The following RGS22 variants were observed in gnomAD, a reference collection of about 807,000 sequenced individuals.
RGS22 encodes the protein regulator of G protein signaling 22.
Under a neutral mutation model 172.9 loss-of-function variants are expected in RGS22, and 148 were observed. That is an observed-to-expected ratio of 0.86 (90% confidence interval 0.75 to 0.98). RGS22 has a LOEUF of 0.98. Ranked by LOEUF, RGS22 falls within the 50% of genes least tolerant of loss-of-function variation. The pLI, the probability that RGS22 is intolerant of heterozygous loss-of-function variation, is 0.00. For synonymous variants in RGS22, 458 were observed against 480.2 expected, an observed-to-expected ratio of 0.95 and a Z score of 0.60; for missense variants, 1,347 against 1,440.8, an observed-to-expected ratio of 0.93 and a Z score of 1.05.
At chr8:100,085,157 A>C (rs1812071915) in intron 3 of RGS22, among the ~76,000 whole-genome samples, 1 of 152,248 alleles carries the variant, frequency 6.6e-6, no homozygotes, top group Non-Finnish European at 1.5e-5. Context: ...ATACTCCATC[A>C]GTCCATGATG....
intron 11 of RGS22, among the ~76,000 whole-genome samples, chr8:100,045,552 T>C (rs1820625373): frequency 6.6e-6 from 1 of 152,074 alleles, no homozygotes. Flanking sequence ...GGGTAATGCA[T>C]ACTATGTTGG....
intron 6 of RGS22, among the ~76,000 whole-genome samples, chr8:100,069,022 A>G (rs1810751859): frequency 6.6e-6 from 1 of 152,124 alleles, no homozygotes; most frequent in South Asian, 2.1e-4. Context: ...ACTAAACATT[A>G]TCCAGTGGAA....
At chr8:100,045,559 T>C (rs1022510139) in intron 11 of RGS22, among the ~76,000 whole-genome samples, 1 of 152,096 alleles carries the variant, frequency 6.6e-6, no homozygotes, top group Non-Finnish European at 1.5e-5. Flanking sequence ...GCATACTATG[T>C]TGGTGAAGGA....
intron 5 of RGS22, among the ~76,000 whole-genome samples, 192 bp downstream of exon 5, chr8:100,071,953 T>C (rs1316958725): frequency 6.6e-6 from 1 of 152,232 alleles, no homozygotes; most frequent in Non-Finnish European, 1.5e-5. Context: ...ATCCCAGGTT[T>C]TGGGAGGCCA....
At chr8:100,062,531 G>T in intron 9 of RGS22, 60 bp downstream of exon 9, 2 of 1,139,800 alleles carry the variant, frequency 1.8e-6, no homozygotes, top group Admixed American at 2.3e-5. Context: ...GACAAAAAAA[G>T]TATAACTCAT....
chr8:100,080,037 T>C (rs1811634070), intron 4 of RGS22, 97 bp downstream of exon 4: 2 of 827,280 alleles, frequency 2.4e-6, no homozygotes, highest in Admixed American at 2.4e-5. Context: ...AGCTAATAAA[T>C]GTAGCTACAC....
At chr8:100,050,883 G>A (rs2131666293) in intron 10 of RGS22, 1 of 152,164 alleles carries the variant, frequency 6.6e-6, no homozygotes, top group South Asian at 2.1e-4. Flanking sequence ...CACTGTTCTA[G>A]GCACTGGTGA....
At chr8:100,080,048 T>C (rs1811634544) in intron 4 of RGS22, 86 bp downstream of exon 4, 1 of 943,438 alleles carries the variant, frequency 1.1e-6, no homozygotes, top group Non-Finnish European at 1.6e-6. Context: ...GTAGCTACAC[T>C]TCAAAAAGGG....
chr8:100,038,650 T>C, intron 14 of RGS22: 1 of 248,456 alleles, frequency 4.0e-6, no homozygotes, highest in Non-Finnish European at 7.6e-6. Flanking sequence ...ACCAAAAAGG[T>C]ATACATTAGA....
At chr8:100,068,361 G>A (rs542578161) in intron 6 of RGS22, among the ~76,000 whole-genome samples, 81 of 152,204 alleles carry the variant, frequency 5.3e-4, no homozygotes, top group African/African-American at 1.9e-3. Context: ...TCTGGCCTGG[G>A]CAACACAGTG....
chr8:100,020,441 G>A lies in RGS22; in HGVS notation c.2167-11872C>T, dbSNP rs572309621. On this transcript the variant is annotated intron_variant, in intron 14 of 27. Coordinates refer to ENST00000360863, the MANE Select transcript of RGS22 (RefSeq NM_015668.5). Reference sequence around the variant, plus strand: ...GGTGATTCTGGAGGAGAGATTATGTGCCTTCTTTGGTAAGCATAAGTGAGT... The same window carrying A: ...GGTGATTCTGGAGGAGAGATTATGTACCTTCTTTGGTAAGCATAAGTGAGT... 2.0e-5 allele frequency among the ~76,000 whole-genome samples: 3 copies of A among 152,306 alleles called. No individual in the cohort carries two copies. In the South Asian group the frequency reaches 6.2e-4, roughly 32 times the overall value.
chr8:100,101,004 A>T (rs941646139), intron 2 of RGS22, among the ~76,000 whole-genome samples: 2 of 152,204 alleles, frequency 1.3e-5, no homozygotes, highest in Non-Finnish European at 2.9e-5. Flanking sequence ...TTTTTACTCC[A>T]TAAAGAATTT....
rs553167305 is a variant in RGS22, at chr8:100,075,715, T to C, written c.340-3485A>G. Reference sequence around the variant, plus strand: ...GTATATAAGTTTTTGTGTGAACATATGTTTTCAATACTCTTGAGTATATAC... The same window carrying C: ...GTATATAAGTTTTTGTGTGAACATACGTTTTCAATACTCTTGAGTATATAC... On this transcript the variant is annotated intron_variant, in intron 4 of 27. Transcript: ENST00000360863. Among the ~76,000 whole-genome samples the C allele has an allele frequency of 7.9e-5, 12 of 152,346 alleles. No homozygotes were observed. The South Asian group carries it at 2.3e-3, about 29-fold the overall frequency.
intron 2 of RGS22, among the ~76,000 whole-genome samples, chr8:100,101,291 T>TC (rs1813457316): frequency 7.5e-6 from 1 of 134,164 alleles, no homozygotes; most frequent in Non-Finnish European, 1.5e-5. Flanking sequence ...CCTAAATTTC[T>TC]TTTTTTTTTT....
chr8:99,994,350 G>A (rs1238577531), intron 20 of RGS22, among the ~76,000 whole-genome samples: 1 of 152,144 alleles, frequency 6.6e-6, no homozygotes, highest in Non-Finnish European at 1.5e-5. Flanking sequence ...TGACATGATT[G>A]TATATTTAGA....
chr8:100,062,533 AT>A, intron 9 of RGS22, 57 bp downstream of exon 9: 29 of 1,153,384 alleles, frequency 2.5e-5, no homozygotes, highest in Non-Finnish European at 3.5e-5. Context: ...CAAAAAAAGT[AT>A]AACTCATAAC....
intron 3 of RGS22, among the ~76,000 whole-genome samples, chr8:100,086,145 A>G (rs2131945156): frequency 6.6e-6 from 1 of 152,276 alleles, no homozygotes; most frequent in African/African-American, 2.4e-5. Flanking sequence ...AAGATAAAGG[A>G]GCATGACACC....
intron 9 of RGS22, among the ~76,000 whole-genome samples, chr8:100,053,644 T>A (rs917912043): frequency 6.7e-6 from 1 of 149,958 alleles, no homozygotes; most frequent in African/African-American, 2.4e-5. Flanking sequence ...ACATACAAAC[T>A]TTTTTTTTTG....
At chr8:100,045,089 C>T (rs1820574327) in intron 11 of RGS22, among the ~76,000 whole-genome samples, 1 of 150,370 alleles carries the variant, frequency 6.7e-6, no homozygotes, top group Admixed American at 6.6e-5. Context: ...CCAGCCTGGG[C>T]AACATTGAGA....
Sources: allele counts gnomAD v4.1 joint callset (sites outside exome capture counted in the v4.1 genomes callset), GRCh38; gene constraint gnomAD v4.1.1; transcripts MANE v1.5; gene names NCBI Gene and HGNC (gene_info 2026-07-23, HGNC 2026-07-21).